TPR: variants seen among roughly 807,000 people sequenced by gnomAD.
TPR encodes translocated promoter region, nuclear basket protein.
TPR carries 51 observed loss-of-function variants against 316.1 expected under a neutral mutation model. That is an observed-to-expected ratio of 0.16 (90% CI 0.13 to 0.20). The LOEUF (loss-of-function observed/expected upper bound fraction) is 0.20, where lower values mean the gene tolerates loss of function less well. Ranked by LOEUF, TPR falls within the 10% of genes least tolerant of loss-of-function variation. The pLI is 1.00. For missense variants in TPR, 2,272 were observed against 2,754.8 expected (o/e 0.82, Z 3.92); for synonymous variants, 981 against 914.7 (o/e 1.07, Z -1.31).
intron 26 of TPR, 105 bp downstream of exon 26, chr1:186,343,801 C>G: frequency 9.4e-7 from 1 of 1,060,936 alleles, no homozygotes. Context: ...AAAGAATGAA[C>G]TTTATATCAA....
Position 186,375,188 on chromosome 1 carries a change from T to A in TPR, c.-160A>T. On this transcript the variant is annotated 5_prime_UTR_variant, in exon 1 of 51. Transcript: ENST00000367478. ...GCCGGAGACTCCCGCGGCGGGACCC[T>A]GGGAAATCGAGTCCACCCTCAGCGG... 2 of 1,529,882 alleles carry A rather than the reference T, an allele frequency of 1.3e-6. No homozygotes were observed. Among genetic ancestry groups the A allele is most frequent in the Non-Finnish European group, 1.8e-6 (2 of 1,137,086 alleles). The allele number at this position is 1,529,882 out of a possible 1,614,324, so 94.8% of individuals were successfully genotyped here.
intron 36 of TPR, 21 bp from the exon 37 acceptor site, chr1:186,333,415 T>C (rs370852252): frequency 1.6e-5 from 26 of 1,610,372 alleles, no homozygotes; most frequent in Middle Eastern, 3.3e-4. Context: ...ATTATAATGC[T>C]GAATATAAGC....
rs1659168741 is a variant in TPR at position 186,360,997 on chromosome 1, A to G, written c.959-92T>C. ...CAGATCAGTCACTTCTCCCCTCAGC[A>G]GATAATATTAAATTTCTAGAGAGGC... On this transcript the variant is annotated intron_variant, in intron 9 of 50. Transcript: ENST00000367478. The G allele has an allele frequency of 4.0e-5, 52 of 1,289,038 alleles. No individual in the cohort carries two copies. In the South Asian group the frequency reaches 7.1e-4, roughly 18 times the overall value. 79.9% of individuals were successfully genotyped at this position (1,289,038 alleles called of 1,614,324 possible). A position where few individuals can be genotyped will look rare whatever the true frequency, so the allele number is the denominator to read the frequency against.
rs774560899 is a variant in TPR, at chr1:186,312,165, TACATAACA to T, written c.*1798_*1805del. The T allele has an allele frequency of 6.2e-7, 1 of 1,612,262 alleles. No individual in the cohort carries two copies. Among genetic ancestry groups the T allele is most frequent in the South Asian group, 1.1e-5 (1 of 91,042 alleles). ...TTTCATTTTCCATGTGATATTCTAA[TACATAACA>T]GGTGGCAGCATTCAGCAGTATATTT... On this transcript the variant is annotated 3_prime_UTR_variant, in exon 51 of 51. Transcript: ENST00000367478.
At chr1:186,355,130 C>T (rs981892628) in intron 17 of TPR, among the ~76,000 whole-genome samples, 1 of 152,072 alleles carries the variant, frequency 6.6e-6, no homozygotes, top group African/African-American at 2.4e-5. Flanking sequence ...GTCTTGAATT[C>T]CTGCCCTCAA....
chr1:186,314,710 G>T lies in TPR; in HGVS notation c.6955C>A (p.Gln2319Lys). 1 of 1,611,308 alleles carries T rather than the reference G, an allele frequency of 6.2e-7. No individual in the cohort carries two copies. Among genetic ancestry groups the T allele is most frequent in the South Asian group, 1.1e-5 (1 of 90,774 alleles). ...CTTACTCGTCTGAAAGGCTTTGGTT[G>T]ACTACTACTAGTATCTAAGAAAAAC... ...SSSSVDTSSS[Q>K]PKPFRRVRLQ... is the part of the protein sequence containing the mutation. Residue 2319 changes from glutamine to lysine, a missense_variant, in exon 50 of 51, where the codon CAA (glutamine) becomes AAA (lysine). This residue lies in a region of TPR where 123 missense variants were observed against 142.3 expected (regional missense o/e 0.86). Coordinates refer to ENST00000367478, the MANE Select transcript of TPR (RefSeq NM_003292.3).
chr1:186,337,461 A>T (rs759388399), intron 31 of TPR, among the ~76,000 whole-genome samples: 13 of 152,158 alleles, frequency 8.5e-5, no homozygotes, highest in Non-Finnish European at 1.3e-4. Context: ...TAAGCATATA[A>T]TATTATTTCT....
Position 186,312,424 on chromosome 1 carries a change from C to T in TPR, c.*1547G>A, listed in dbSNP as rs1377515923. On this transcript the variant is annotated 3_prime_UTR_variant, in exon 51 of 51. Transcript: ENST00000367478. ...TCCTTAAACATAAGTAGATGTAATA[C>T]AGTTTCTTATACAGTAAGGCTTATG... 1 of 1,485,148 alleles carries T rather than the reference C, an allele frequency of 6.7e-7. No individual in the cohort carries two copies. The highest frequency in any genetic ancestry group is 9.2e-7 in the Non-Finnish European group (1 of 1,083,400). The allele number at this position is 1,485,148 out of a possible 1,614,324, so 92.0% of individuals were successfully genotyped here.
rs1423331680 is a variant in TPR at position 186,373,462 on chromosome 1, T to A, written c.153A>T (p.Glu51Asp). ...TCTTTTCTATTTCAAAATACTGTTG[T>A]TCTACAGCAGACAAGCAAAAAACAA... The part of the protein sequence containing the change: ...GRHEKFKVES[E>D]QQYFEIEKRL... Residue 51 changes from glutamate (E) to aspartate (D), a missense_variant and splice_region_variant, in exon 2 of 51, where the codon GAA (glutamate) becomes GAT (aspartate). By Grantham distance (45) the Glu-to-Asp change is conservative. Coordinates refer to ENST00000367478, the MANE Select transcript of TPR (RefSeq NM_003292.3). 5 of 1,608,492 alleles carry A rather than the reference T, an allele frequency of 3.1e-6. No individual in the cohort carries two copies. The highest frequency in any genetic ancestry group is 4.2e-6 in the Non-Finnish European group (5 of 1,176,972).
chr1:186,355,190 C>G (rs1193072688), intron 17 of TPR, among the ~76,000 whole-genome samples: 1 of 152,192 alleles, frequency 6.6e-6, no homozygotes, highest in Non-Finnish European at 1.5e-5. Context: ...CAGGCGTGAG[C>G]TGCTGCGCCT....
intron 50 of TPR, 81 bp downstream of exon 50, chr1:186,314,548 G>C (rs1657529262): frequency 9.6e-7 from 1 of 1,042,002 alleles, no homozygotes; most frequent in Middle Eastern, 2.2e-4. Context: ...AAATAAATTG[G>C]AGGCTTAAGG....
intron 4 of TPR, among the ~76,000 whole-genome samples, chr1:186,364,783 G>C (rs1416665009): frequency 1.3e-5 from 2 of 152,182 alleles, no homozygotes; most frequent in African/African-American, 2.4e-5. Context: ...AATGCAGATA[G>C]AAGTGTACTA....
intron 3 of TPR, among the ~76,000 whole-genome samples, chr1:186,368,432 C>T (rs182407402): frequency 7.6e-4 from 115 of 152,200 alleles, no homozygotes; most frequent in African/African-American, 2.7e-3. Flanking sequence ...GGCAACACAG[C>T]GAAACCCAGT....
At chr1:186,351,209 A>C in intron 20 of TPR, 121 bp downstream of exon 20, 1 of 1,225,084 alleles carries the variant, frequency 8.2e-7, no homozygotes, top group Non-Finnish European at 1.1e-6. Flanking sequence ...GTGAGGCAAG[A>C]AAAACTTAGT....
chr1:186,332,430 A>G, intron 37 of TPR, 87 bp from the exon 38 acceptor site: 1 of 1,365,136 alleles, frequency 7.3e-7, no homozygotes, highest in Non-Finnish European at 1.0e-6. Flanking sequence ...CACTTAACTA[A>G]AGGAGAACAC....
chr1:186,335,998 T>C (rs1321192514), intron 33 of TPR, among the ~76,000 whole-genome samples: 2 of 152,158 alleles, frequency 1.3e-5, no homozygotes, highest in East Asian at 3.8e-4. Context: ...TGACATTTTA[T>C]TTAACTACTC....
At chr1:186,356,566 T>C (rs1659035168) in intron 14 of TPR, 117 bp from the exon 15 acceptor site, 2 of 1,022,854 alleles carry the variant, frequency 2.0e-6, no homozygotes, top group South Asian at 4.1e-5. Flanking sequence ...TTTGTCTCTC[T>C]CATTATTTTT....
intron 49 of TPR, 124 bp from the exon 50 acceptor site, chr1:186,314,848 C>CT: frequency 1.8e-6 from 1 of 544,792 alleles, no homozygotes; most frequent in Non-Finnish European, 3.0e-6. Context: ...GATTTCAATT[C>CT]TTTTTTTCAA....
Position 186,360,828 on chromosome 1 carries a change from T to C in TPR, c.1036A>G (p.Ile346Val). 1 of 1,613,050 alleles carries C rather than the reference T, an allele frequency of 6.2e-7. No homozygotes were observed. The highest frequency in any genetic ancestry group is 8.5e-7 in the Non-Finnish European group (1 of 1,179,336). The part of the protein sequence containing the change: ...DQMEKEMLEK[I>V]GRLEKELENA... ...TCTAATTCCTTCTCCAATCTCCCTA[T>C]TTTCTCAAGCATTTCTTTTTCCATT... Residue 346 changes from isoleucine to valine, a missense_variant, in exon 10 of 51, where the codon ATA becomes GTA. Physicochemically the swap from Ile to Val is conservative, Grantham distance 29. Around this residue, in one of 10 missense-constraint regions of TPR, gnomAD observed 549 missense variants for 598.6 expected, o/e 0.92. Transcript: ENST00000367478.
Sources: gnomAD v4.1 joint callset for allele counts (sites outside exome capture counted in the v4.1 genomes callset) on GRCh38, gnomAD v4.1.1 for gene constraint, gnomAD v4.1.1 regional missense constraint, MANE v1.5 for transcripts, NCBI Gene and HGNC (gene_info 2026-07-23, HGNC 2026-07-21) for gene names.